RUNX1T1: variants seen among roughly 807,000 people sequenced by gnomAD.
RUNX1T1 encodes the protein RUNX1 partner transcriptional co-repressor 1.
A neutral mutation model predicts 62.8 loss-of-function variants in RUNX1T1; 4 were observed. The observed-to-expected ratio is 0.06, with a 90% CI of 0.03 to 0.15. The LOEUF is 0.15. Among genes scored for constraint, RUNX1T1 ranks in the 10% least tolerant of loss-of-function variants. The probability of loss-of-function intolerance (pLI) is 1.00; values close to 1 mark genes in which losing one functional copy is unlikely to be tolerated. For missense variants in RUNX1T1, 508 were observed against 754.3 expected, an observed-to-expected ratio of 0.67 and a Z score of 3.82; for synonymous variants, 291 against 286.0, an observed-to-expected ratio of 1.02 and a Z score of -0.18.
chr8:92,005,441 G>A, intron 4 of RUNX1T1, 144 bp from the exon 6 acceptor site: 1 of 683,604 alleles, frequency 1.5e-6, no homozygotes, highest in South Asian at 2.1e-5. Context: ...GGAACCACAG[G>A]CACAATTCTC....
In RUNX1T1 at chr8:91,988,787, T is replaced by TA. The variant is rs562803949; in HGVS notation, c.911-1816dup. Among the ~76,000 whole-genome samples, 70 of 152,232 alleles carry TA rather than the reference T, an allele frequency of 4.6e-4. 1 individual carries two copies. The South Asian group carries it at 0.013, about 29-fold the overall frequency. On this transcript the variant is annotated intron_variant, in intron 6 of 10. Coordinates refer to ENST00000396218, the Ensembl canonical transcript of RUNX1T1. ...ACAGTACTAAGCTTCATCTCATTTT[T>TA]AAAAAAATATTAAGTGCATTAGAAA...
chr8:92,054,126 A>G (rs1380867235), intron 1 of RUNX1T1, among the ~76,000 whole-genome samples: 1 of 101,296 alleles, frequency 9.9e-6, no homozygotes, highest in Non-Finnish European at 2.2e-5. Context: ...TAGTACCTGG[A>G]AAAAAAAAAA....
exon 11 of RUNX1T1, chr8:91,959,454 G>C (rs1196068639): frequency 8.3e-6 from 1 of 120,896 alleles, no homozygotes. Context: ...GTGTGTGTGT[G>C]TGTGTGTGTG....
chr8:91,986,968 C>T (rs148906160), exon 7 of RUNX1T1: 20 of 1,605,978 alleles, frequency 1.2e-5, no homozygotes, highest in Non-Finnish European at 1.7e-5. Flanking sequence ...GTGTGCCATG[C>T]AACCCTACAA....
chr8:91,970,864 G>T lies in RUNX1T1; in HGVS notation c.1268-16C>A, dbSNP rs1450057617. The T allele has an allele frequency of 1.9e-6, 3 of 1,578,770 alleles. No individual in the cohort carries two copies. In the African/African-American group the frequency reaches 4.1e-5, roughly 21 times the overall value. Reference sequence around the variant, plus strand: ...ACGGCCTCCTCTGTGTGCCAGTCAGGCCAAACCAGACAAGAAAACACCTCT... The same window carrying T: ...ACGGCCTCCTCTGTGTGCCAGTCAGTCCAAACCAGACAAGAAAACACCTCT... On this transcript the variant is annotated splice_polypyrimidine_tract_variant and intron_variant, in intron 9 of 10. Transcript: ENST00000396218.
chr8:92,097,985 T>C (rs577089448), intron 1 of RUNX1T1, among the ~76,000 whole-genome samples: 3 of 152,374 alleles, frequency 2.0e-5, no homozygotes, highest in Admixed American at 6.5e-5. Context: ...AAGTCCAGGC[T>C]AGAGACTAGA....
At chr8:91,956,149 C>T (rs1043986059), downstream of RUNX1T1, 2 of 229,818 alleles carry the variant, frequency 8.7e-6, no homozygotes, top group African/African-American at 4.4e-5. Context: ...TTTAGGTACT[C>T]ATTTCTAATT....
intron 10 of RUNX1T1, 30 bp from the exon 12 acceptor site, chr8:91,960,547 C>T: frequency 6.2e-7 from 1 of 1,610,232 alleles, no homozygotes; most frequent in Non-Finnish European, 8.5e-7. Flanking sequence ...AAAGCAAGAT[C>T]CCAAGTTAAT....
chr8:91,989,883 C>T (rs1464221288), intron 6 of RUNX1T1, among the ~76,000 whole-genome samples: 2 of 152,178 alleles, frequency 1.3e-5, no homozygotes, highest in Non-Finnish European at 2.9e-5. Context: ...GAACATTAGA[C>T]AGACTGGCTA....
chr8:92,086,156 G>A (rs1384466921), intron 1 of RUNX1T1, among the ~76,000 whole-genome samples: 1 of 152,194 alleles, frequency 6.6e-6, no homozygotes, highest in African/African-American at 2.4e-5. Flanking sequence ...AGAGCACTGA[G>A]CCCAAGTCTG....
intron 5 of RUNX1T1, among the ~76,000 whole-genome samples, chr8:91,996,152 C>G (rs1209645242): frequency 6.6e-6 from 1 of 151,882 alleles, no homozygotes; most frequent in East Asian, 1.9e-4. Context: ...TGTATTATGT[C>G]TTAAGGATTT....
chr8:91,958,335 C>A (rs770307606), downstream of RUNX1T1: 1 of 196,110 alleles, frequency 5.1e-6, no homozygotes, highest in Non-Finnish European at 1.1e-5. Flanking sequence ...CTATACCTTG[C>A]TGAACATGTT....
intron 1 of RUNX1T1, among the ~76,000 whole-genome samples, chr8:92,029,775 T>C (rs771904770): frequency 4.1e-4 from 62 of 152,146 alleles, no homozygotes; most frequent in Admixed American, 9.2e-4. Context: ...AAACAACAGA[T>C]GAAAACTTCT....
upstream of RUNX1T1, among the ~76,000 whole-genome samples, chr8:92,101,679 T>G (rs1305432723): frequency 6.6e-6 from 1 of 152,196 alleles, no homozygotes; most frequent in Non-Finnish European, 1.5e-5. Flanking sequence ...GTAACAGTTG[T>G]GGCTCACATC....
chr8:91,979,394 C>T (rs1172917202), intron 8 of RUNX1T1, among the ~76,000 whole-genome samples: 3 of 152,064 alleles, frequency 2.0e-5, no homozygotes, highest in Non-Finnish European at 4.4e-5. Context: ...AATTCTTACC[C>T]GTTAACTCTT....
At chr8:92,085,444 G>A (rs1202006430) in intron 1 of RUNX1T1, among the ~76,000 whole-genome samples, 1 of 152,166 alleles carries the variant, frequency 6.6e-6, no homozygotes, top group African/African-American at 2.4e-5. Context: ...ACATTCTTCT[G>A]CTCCTTGCTT....
chr8:92,102,886 C>A, upstream of RUNX1T1: 1 of 1,520,486 alleles, frequency 6.6e-7, no homozygotes, highest in Non-Finnish European at 8.8e-7. The surrounding 1 kb of genome is among the most constrained non-coding windows in gnomAD (Gnocchi z 4.5). Flanking sequence ...TCCCACCATC[C>A]GCCACAGGCT....
intron 1 of RUNX1T1, among the ~76,000 whole-genome samples, chr8:92,058,568 T>A (rs1831411279): frequency 6.6e-6 from 1 of 152,150 alleles, no homozygotes; most frequent in Admixed American, 6.5e-5. Flanking sequence ...ACAGCACAGT[T>A]AAGAAAATGT....
At chr8:91,982,166 G>A (rs138896550) in intron 8 of RUNX1T1, among the ~76,000 whole-genome samples, 1 of 150,198 alleles carries the variant, frequency 6.7e-6, no homozygotes, top group East Asian at 2.0e-4. Flanking sequence ...GAGCCCAGAA[G>A]GTCAAGGCTG....
Sources: gnomAD v4.1 joint callset for allele counts (sites outside exome capture counted in the v4.1 genomes callset) on GRCh38, gnomAD v4.1.1 for gene constraint, Gnocchi (gnomAD v3.1) non-coding constraint, MANE v1.5 for transcripts, NCBI Gene and HGNC (gene_info 2026-07-23, HGNC 2026-07-21) for gene names.